Variants in ATAD2B observed in about 807,000 individuals in gnomAD.
ATAD2B encodes the protein ATPase family AAA domain containing 2B.
ATAD2B carries 40 observed loss-of-function variants against 167.6 expected under a neutral mutation model. The observed-to-expected ratio is 0.24, with a 90% CI of 0.19 to 0.31. The LOEUF (loss-of-function observed/expected upper bound fraction) is 0.31. Among genes scored for constraint, ATAD2B ranks in the 10% least tolerant of loss-of-function variants. ATAD2B has a pLI of 1.00. For synonymous variants in ATAD2B, 579 were observed against 596.5 expected (o/e 0.97, Z 0.43); for missense variants, 1,242 against 1,757.2 (o/e 0.71, Z 5.24).
At position 23,824,568 on chromosome 2, in the gene ATAD2B, T is replaced by C. The variant is rs1429456601; in HGVS notation, c.1820-999A>G. On this transcript the variant is annotated intron_variant, in intron 15 of 27. Coordinates refer to ENST00000238789, the MANE Select transcript of ATAD2B (RefSeq NM_017552.4). ...AAATATATTAAAGTAAATAAGAACA[T>C]TAAAAATATTTCCACTGATTTTCCA... Among the ~76,000 whole-genome samples, 5 of 152,194 alleles carry C rather than the reference T, an allele frequency of 3.3e-5. No individual in the cohort carries two copies. The East Asian group carries it at 9.6e-4, about 29-fold the overall frequency.
intron 19 of ATAD2B, among the ~76,000 whole-genome samples, chr2:23,790,330 T>C (rs1681477187): frequency 6.6e-6 from 1 of 152,182 alleles, no homozygotes; most frequent in Admixed American, 6.5e-5. Context: ...GAAAAGACAC[T>C]AGGTAAGATG....
chr2:23,695,991 G>A, the ATAD2B span: 1 of 1,551,566 alleles, frequency 6.4e-7, no homozygotes, highest in East Asian at 2.4e-5. The surrounding 1 kb of genome is among the most constrained non-coding windows in gnomAD (Gnocchi z 7.6). Context: ...GCCGTCAGAT[G>A]GTGGGGATGA....
chr2:23,696,311 C>T, the ATAD2B span: 8 of 1,550,432 alleles, frequency 5.2e-6, no homozygotes, highest in Admixed American at 3.9e-5. This position sits in a 1 kb window ranked among gnomAD's most constrained non-coding sequence, Gnocchi z 5.5. Context: ...CCCGCTCTCT[C>T]TGCCTCCCAC....
chr2:23,698,718 C>T, the ATAD2B span, among the ~76,000 whole-genome samples: 1 of 152,132 alleles, frequency 6.6e-6, no homozygotes, highest in Non-Finnish European at 1.5e-5. Flanking sequence ...ACTGTGGTTA[C>T]TGGATAAATG....
Position 23,926,991 on chromosome 2 carries a change from G to C in ATAD2B, c.-221C>G. 1.9e-6 allele frequency: 1 copy of C among 535,884 alleles called. No individual in the cohort carries two copies. The highest frequency in any genetic ancestry group is 3.2e-6 in the Non-Finnish European group (1 of 314,112). 33.2% of individuals were successfully genotyped at this position (535,884 alleles called of 1,614,324 possible). A position where few individuals can be genotyped will look rare whatever the true frequency, so the allele number is the denominator to read the frequency against. On this transcript the variant is annotated 5_prime_UTR_variant, in exon 1 of 28. Coordinates refer to ENST00000238789, the MANE Select transcript of ATAD2B (RefSeq NM_017552.4). ...GGAAGCGGGGGCGGTGCTGCAGACCGGCAGCACAGACACTCCGCCGGCTTC... is the reference window on the plus strand; with the variant it reads ...GGAAGCGGGGGCGGTGCTGCAGACCCGCAGCACAGACACTCCGCCGGCTTC...
At chr2:23,914,840 CAAAA>C (rs375215142) in intron 1 of ATAD2B, among the ~76,000 whole-genome samples, 2 of 82,702 alleles carry the variant, frequency 2.4e-5, no homozygotes, top group Admixed American at 1.3e-4. Context: ...GACTCCGTCT[CAAAA>C]AAAAAAAAAA....
At chr2:23,763,939 G>C (rs1277927944) in intron 23 of ATAD2B, among the ~76,000 whole-genome samples, 1 of 152,154 alleles carries the variant, frequency 6.6e-6, no homozygotes, top group African/African-American at 2.4e-5. Flanking sequence ...ACAGTACTTT[G>C]TTCCCTTTTA....
intron 16 of ATAD2B, among the ~76,000 whole-genome samples, chr2:23,822,105 GA>G (rs2149645920): frequency 6.6e-6 from 1 of 152,292 alleles, no homozygotes; most frequent in South Asian, 2.1e-4. Context: ...GCACACTGCA[GA>G]GTGTCCTACC....
At chr2:23,853,562 A>G (rs1692901634) in intron 13 of ATAD2B, among the ~76,000 whole-genome samples, 1 of 152,248 alleles carries the variant, frequency 6.6e-6, no homozygotes, top group African/African-American at 2.4e-5. Flanking sequence ...AAATTAAAGA[A>G]TACCTAAATA....
intron 13 of ATAD2B, among the ~76,000 whole-genome samples, chr2:23,844,308 GA>G (rs911795236): frequency 3.6e-4 from 50 of 140,604 alleles, no homozygotes; most frequent in African/African-American, 7.8e-4. Flanking sequence ...GTCTCAAAAG[GA>G]AAAAAAAAAA....
At chr2:23,739,233 T>C in the ATAD2B span, among the ~76,000 whole-genome samples, 2 of 152,152 alleles carry the variant, frequency 1.3e-5, no homozygotes. Flanking sequence ...CCACCCCAAA[T>C]CAACAGAATA....
At chr2:23,821,016 T>C (rs539388500) in intron 16 of ATAD2B, among the ~76,000 whole-genome samples, 2 of 152,272 alleles carry the variant, frequency 1.3e-5, no homozygotes, top group East Asian at 3.9e-4. Context: ...TGAGTATCTT[T>C]TGAGTGATAA....
rs111928799 is a variant in ATAD2B at position 23,795,914 on chromosome 2, C to G, written c.2640+2224G>C. 5.1e-3 allele frequency among the ~76,000 whole-genome samples: 774 copies of G among 151,614 alleles called. 9 individuals carry two copies. Among genetic ancestry groups the G allele is most frequent in the African/African-American group, 0.016 (673 of 41,382 alleles). ...AAGAAAAAAGAAAAAAGAAAGCAAG[C>G]ATTCTAATGGTAGACCTGAAATTAA... On this transcript the variant is annotated intron_variant, in intron 19 of 27. Coordinates refer to ENST00000238789, the MANE Select transcript of ATAD2B (RefSeq NM_017552.4).
chr2:23,855,332 A>G (rs1459605357), intron 13 of ATAD2B, among the ~76,000 whole-genome samples: 1 of 152,206 alleles, frequency 6.6e-6, no homozygotes, highest in African/African-American at 2.4e-5. Flanking sequence ...AAGATGCTCA[A>G]TATTATTGGA....
chr2:23,885,579 C>G, intron 5 of ATAD2B, 148 bp downstream of exon 5: 1 of 533,178 alleles, frequency 1.9e-6, no homozygotes, highest in Non-Finnish European at 3.3e-6. Flanking sequence ...AAGAAACAAG[C>G]AAGCAATAAA....
chr2:23,855,193 A>C (rs1177318816), intron 13 of ATAD2B, among the ~76,000 whole-genome samples: 2 of 110,176 alleles, frequency 1.8e-5, no homozygotes, highest in Admixed American at 8.8e-5. Context: ...ACTCTGTCTC[A>C]AAAAAAAAAA....
At chr2:23,698,013 C>CTGTT in the ATAD2B span, 1 of 152,244 alleles carries the variant, frequency 6.6e-6, no homozygotes, top group Non-Finnish European at 1.5e-5. Context: ...CAAACTTATA[C>CTGTT]TGTTGATAAA....
chr2:23,805,795 T>TAAA (rs3030816), intron 18 of ATAD2B, among the ~76,000 whole-genome samples: 89 of 100,964 alleles, frequency 8.8e-4, no homozygotes, highest in African/African-American at 2.8e-3. Flanking sequence ...TATCAAGCTT[T>TAAA]AAAAAAAAAA....
chr2:23,926,641 G>T lies in ATAD2B; in HGVS notation c.130C>A (p.Arg44Ser). 1 of 1,563,602 alleles carries T rather than the reference G, an allele frequency of 6.4e-7. No homozygotes were observed. Among genetic ancestry groups the T allele is most frequent in the East Asian group, 2.4e-5 (1 of 41,910 alleles). Residue 44 changes from arginine to serine, a missense_variant, in exon 1 of 28, where the codon CGC becomes AGC. By Grantham distance (110) the Arg-to-Ser change is moderately radical (BLOSUM62 -1). Coordinates refer to ENST00000238789, the MANE Select transcript of ATAD2B (RefSeq NM_017552.4). ...CTGGCGGCGCGGGTCTTGGAGGAGC[G>T]GGTCCGAGAGGAGATGAAATGGCTG... Reference protein sequence around the residue: ...GSSHFISSRTRSSKTRAASCP... With the variant: ...GSSHFISSRTSSSKTRAASCP...
Sources: gnomAD v4.1 joint callset for allele counts (sites outside exome capture counted in the v4.1 genomes callset) on GRCh38, gnomAD v4.1.1 for gene constraint, Gnocchi (gnomAD v3.1) non-coding constraint, MANE v1.5 for transcripts, NCBI Gene and HGNC (gene_info 2026-07-23, HGNC 2026-07-21) for gene names.